The following OPN3 variants were observed in gnomAD, a reference collection of about 807,000 sequenced individuals.
OPN3 encodes opsin-3.
In OPN3, 29 loss-of-function variants were observed where a neutral mutation model predicts 33.8. That is an observed-to-expected ratio of 0.86 (90% CI 0.64 to 1.17). The LOEUF (loss-of-function observed/expected upper bound fraction) is 1.17, where lower values mean the gene tolerates loss of function less well. Ranked by LOEUF, OPN3 falls within the 50% of genes most tolerant of loss-of-function variation. The pLI, the probability that OPN3 is intolerant of heterozygous loss-of-function variation, is 0.00. For synonymous variants in OPN3, 216 were observed against 216.1 expected, an observed-to-expected ratio of 1.00 and a Z score of 0.00; for missense variants, 437 against 514.1, an observed-to-expected ratio of 0.85 and a Z score of 1.45.
intron 1 of OPN3, among the ~76,000 whole-genome samples, chr1:241,626,441 C>G (rs1664421065): frequency 2.1e-5 from 3 of 141,026 alleles, no homozygotes; most frequent in Non-Finnish European, 4.6e-5. Flanking sequence ...ACTTTTCTAT[C>G]TGGTTGGTAC....
At chr1:241,627,937 C>A (rs1259991396) in intron 1 of OPN3, among the ~76,000 whole-genome samples, 1 of 152,106 alleles carries the variant, frequency 6.6e-6, no homozygotes, top group Non-Finnish European at 1.5e-5. Context: ...TCTCCCTAAG[C>A]CCTTGATGTC....
chr1:241,593,651 A>G lies in OPN3; in HGVS notation c.*777T>C, dbSNP rs144936606. On this transcript the variant is annotated 3_prime_UTR_variant, in exon 4 of 4. Coordinates refer to ENST00000366554, the MANE Select transcript of OPN3 (RefSeq NM_014322.3). ...ATTTATTAGCGGGTATATGTAATAT[A>G]TATGTGGGAAATACAGGGGAATGAG... 94 of 187,858 alleles carry G rather than the reference A, an allele frequency of 5.0e-4. No individual in the cohort carries two copies. In the East Asian group the frequency reaches 5.5e-3, roughly 11 times the overall value. 11.6% of individuals were successfully genotyped at this position (187,858 alleles called of 1,614,324 possible). A position where few individuals can be genotyped will look rare whatever the true frequency, so the allele number is the denominator to read the frequency against.
chr1:241,601,242 T>A (rs1482737919), intron 2 of OPN3: 1 of 152,138 alleles, frequency 6.6e-6, no homozygotes, highest in Non-Finnish European at 1.5e-5. Flanking sequence ...GGGGCTTTAT[T>A]TTGAGTCACA....
At chr1:241,634,255 G>T in intron 1 of OPN3, 1 of 1,613,920 alleles carries the variant, frequency 6.2e-7, no homozygotes. Flanking sequence ...CCAGATAGGT[G>T]TCCTTCATGC....
chr1:241,633,872 T>A (rs1664751797), intron 1 of OPN3: 4 of 1,613,762 alleles, frequency 2.5e-6, no homozygotes, highest in Non-Finnish European at 3.4e-6. Context: ...CATTACTACA[T>A]TATTGGTTCC....
intron 1 of OPN3, among the ~76,000 whole-genome samples, chr1:241,610,173 C>A (rs1196426489): frequency 6.6e-6 from 1 of 152,234 alleles, no homozygotes; most frequent in African/African-American, 2.4e-5. Flanking sequence ...GGGATACACA[C>A]CATGCCCAGG....
At chr1:241,634,070 G>A (rs780734695) in intron 1 of OPN3, 19 of 1,611,958 alleles carry the variant, frequency 1.2e-5, no homozygotes, top group South Asian at 2.2e-5. Flanking sequence ...GCCATTATAC[G>A]AGCTTCTGCT....
At chr1:241,635,667 CCCTCTGACCACTT>C in intron 1 of OPN3, 1 of 1,614,052 alleles carries the variant, frequency 6.2e-7, no homozygotes, top group South Asian at 1.1e-5. Flanking sequence ...ATATGCAGAA[CCCTCTGACCACTT>C]CTTGAACATG....
intron 1 of OPN3, among the ~76,000 whole-genome samples, chr1:241,628,251 T>C (rs1664479656): frequency 1.3e-5 from 2 of 152,154 alleles, no homozygotes; most frequent in South Asian, 4.1e-4. Context: ...ATGTTTTAAA[T>C]GCTCATTAAG....
rs560668239 is a variant in OPN3, at chr1:241,594,299, C to T, written c.*129G>A. 37 of 1,053,852 alleles carry T rather than the reference C, an allele frequency of 3.5e-5. No individual in the cohort carries two copies. Among genetic ancestry groups the T allele is most frequent in the East Asian group, 3.4e-4 (14 of 41,592 alleles). The allele number at this position is 1,053,852 out of a possible 1,614,324, so 65.3% of individuals were successfully genotyped here. A position where few individuals can be genotyped will look rare whatever the true frequency, so the allele number is the denominator to read the frequency against. On this transcript the variant is annotated 3_prime_UTR_variant, in exon 4 of 4. Transcript: ENST00000366554. ...GAGGCCCAAGAGCATATGGGCAATT[C>T]GGATTTCCTGCTGGACCACAAGGTT... is the stretch of plus-strand genomic sequence containing the variant.
At chr1:241,611,596 C>T (rs1664002727) in intron 1 of OPN3, among the ~76,000 whole-genome samples, 1 of 151,624 alleles carries the variant, frequency 6.6e-6, no homozygotes, top group Non-Finnish European at 1.5e-5. Flanking sequence ...GGAGATCTGA[C>T]AGAGCTTGCA....
rs373920908 is a variant in OPN3, at chr1:241,624,738, A to G, written c.373+15144T>C. On this transcript the variant is annotated intron_variant, in intron 1 of 3. Coordinates refer to ENST00000366554, the MANE Select transcript of OPN3 (RefSeq NM_014322.3). ...AACAGTTCATGGCACAGAAGCAGTT[A>G]CCAGTGTTCCTGGACTTCACTGGAC... 3.3e-5 allele frequency among the ~76,000 whole-genome samples: 5 copies of G among 152,314 alleles called. No individual in the cohort carries two copies. The East Asian group carries it at 9.7e-4, about 29-fold the overall frequency.
Position 241,593,414 on chromosome 1 carries a change from A to G in OPN3, c.*1014T>C. The stretch of plus-strand genomic sequence containing the variant: ...CAAACATGATTAATTATGAAGATGA[A>G]ACACTAGAGTCATATAAGAAATAAA... On this transcript the variant is annotated 3_prime_UTR_variant, in exon 4 of 4. Transcript: ENST00000366554. 2.4e-6 allele frequency: 1 copy of G among 422,020 alleles called. No individual in the cohort carries two copies. Among genetic ancestry groups the G allele is most frequent in the South Asian group, 1.7e-5 (1 of 58,394 alleles). 26.1% of individuals were successfully genotyped at this position (422,020 alleles called of 1,614,324 possible).
chr1:241,618,836 CTTTT>C (rs33992613), intron 1 of OPN3, among the ~76,000 whole-genome samples: 25 of 146,076 alleles, frequency 1.7e-4, no homozygotes, highest in African/African-American at 4.0e-4. Context: ...CTCATTGTAT[CTTTT>C]TTTTTTTTTT....
chr1:241,635,689 T>C, intron 1 of OPN3: 2 of 1,614,036 alleles, frequency 1.2e-6, no homozygotes, highest in Non-Finnish European at 1.7e-6. Context: ...TTCTTGAACA[T>C]GCAGCTGCAA....
intron 2 of OPN3, among the ~76,000 whole-genome samples, chr1:241,599,910 G>A (rs966144536): frequency 6.6e-5 from 10 of 152,120 alleles, no homozygotes; most frequent in South Asian, 2.1e-4. Context: ...CTAGATATGA[G>A]ACTAACACAC....
At chr1:241,603,294 A>G (rs901840250) in intron 2 of OPN3, among the ~76,000 whole-genome samples, 13 of 152,214 alleles carry the variant, frequency 8.5e-5, no homozygotes, top group African/African-American at 2.9e-4. Flanking sequence ...GTTTGGTCCG[A>G]TAAATCAGAA....
At chr1:241,635,166 T>A in intron 1 of OPN3, 1 of 1,613,038 alleles carries the variant, frequency 6.2e-7, no homozygotes, top group Admixed American at 1.7e-5. Flanking sequence ...GTAGATTTGC[T>A]TTCATCTTTA....
chr1:241,616,071 G>T (rs1162315879), intron 1 of OPN3: 2 of 420,476 alleles, frequency 4.8e-6, no homozygotes, highest in Non-Finnish European at 9.7e-6. Context: ...TTAGTATCAG[G>T]TGGTCTCTCT....
Sources: allele counts gnomAD v4.1 joint callset (sites outside exome capture counted in the v4.1 genomes callset), GRCh38; gene constraint gnomAD v4.1.1; transcripts MANE v1.5; gene names NCBI Gene and HGNC (gene_info 2026-07-23, HGNC 2026-07-21).